Variants in PIK3R3 observed in about 807,000 individuals in gnomAD.
PIK3R3 encodes phosphoinositide-3-kinase regulatory subunit 3.
Under a neutral mutation model 62.9 loss-of-function variants are expected in PIK3R3, and 64 were observed. The ratio of observed to expected loss-of-function variants is 1.02; its 90% CI spans 0.83 to 1.25. The LOEUF (loss-of-function observed/expected upper bound fraction) is 1.25, where lower values mean the gene tolerates loss of function less well. PIK3R3 is among the 50% of genes most tolerant of loss of function. The probability of loss-of-function intolerance (pLI) is 0.00; values close to 1 mark genes in which losing one functional copy is unlikely to be tolerated. For missense variants in PIK3R3, 614 were observed against 561.6 expected, an observed-to-expected ratio of 1.09 and a Z score of -0.94; for synonymous variants, 165 against 189.0, an observed-to-expected ratio of 0.87 and a Z score of 1.04.
chr1:46,149,836 G>A, the PIK3R3 span, among the ~76,000 whole-genome samples: 1 of 152,128 alleles, frequency 6.6e-6, no homozygotes, highest in Non-Finnish European at 1.5e-5. Context: ...CGGCCAAGAA[G>A]TTACCTTATA....
At chr1:46,141,502 C>T in the PIK3R3 span, among the ~76,000 whole-genome samples, 21 of 151,896 alleles carry the variant, frequency 1.4e-4, no homozygotes, top group Non-Finnish European at 8.8e-5. Flanking sequence ...AACTCCTGAC[C>T]TCAGGGGATC....
intron 6 of PIK3R3, among the ~76,000 whole-genome samples, chr1:46,059,299 T>C (rs1174250290): frequency 6.6e-6 from 1 of 152,208 alleles, no homozygotes; most frequent in Non-Finnish European, 1.5e-5. Flanking sequence ...AATGGACTAA[T>C]ACAAATGGGT....
At chr1:46,089,956 G>A (rs1651458221) in intron 1 of PIK3R3, among the ~76,000 whole-genome samples, 3 of 152,040 alleles carry the variant, frequency 2.0e-5, no homozygotes, top group South Asian at 2.1e-4. Flanking sequence ...CAGTATTACC[G>A]TATTACAAAA....
At position 46,066,034 on chromosome 1, in the gene PIK3R3, A is replaced by G. The variant is rs1443444361; in HGVS notation, c.621+20T>C. On this transcript the variant is annotated intron_variant, in intron 5 of 9. Coordinates refer to ENST00000262741, the MANE Select transcript of PIK3R3 (RefSeq NM_003629.4). ...AAAACATTGCACACATATTAGTCAA[A>G]AACAACATAATATACCAACCTGGGA... The G allele has an allele frequency of 1.2e-6, 2 of 1,602,960 alleles. No homozygotes were observed. The highest frequency in any genetic ancestry group is 1.7e-6 in the Non-Finnish European group (2 of 1,170,872).
intron 1 of PIK3R3, among the ~76,000 whole-genome samples, chr1:46,113,836 G>T (rs2149458181): frequency 6.6e-6 from 1 of 152,252 alleles, no homozygotes; most frequent in South Asian, 2.1e-4. Context: ...TCCTTATCCT[G>T]ATGGAATTTA....
At chr1:46,046,694 G>A in intron 7 of PIK3R3, 69 bp from the exon 8 acceptor site, 1 of 1,094,952 alleles carries the variant, frequency 9.1e-7, no homozygotes, top group Non-Finnish European at 1.4e-6. Flanking sequence ...GTATGTCTGA[G>A]CCAACTAAAC....
At chr1:46,172,737 A>C in the PIK3R3 span, among the ~76,000 whole-genome samples, 15 of 152,302 alleles carry the variant, frequency 9.8e-5, no homozygotes, top group East Asian at 2.9e-3. Flanking sequence ...TCATGCCTGT[A>C]ATCCCTGCAC....
At chr1:46,136,688 G>A (rs77882922), upstream of PIK3R3, among the ~76,000 whole-genome samples, 438 of 152,316 alleles carry the variant, frequency 2.9e-3, 3 homozygotes, top group East Asian at 0.02. Flanking sequence ...CTCAGCATGT[G>A]ATGTAGATCT....
At chr1:46,045,644 T>TTTTTTTTTTTC (rs370501368) in intron 9 of PIK3R3, among the ~76,000 whole-genome samples, 6,362 of 82,604 alleles carry the variant, frequency 0.077, 1,635 homozygotes, top group East Asian at 0.15. Context: ...TTTTTTTTTT[T>TTTTTTTTTTTC]CAATTTAAGA....
At chr1:46,157,291 G>A in the PIK3R3 span, among the ~76,000 whole-genome samples, 1 of 151,998 alleles carries the variant, frequency 6.6e-6, no homozygotes, top group Non-Finnish European at 1.5e-5. Context: ...ATACCACCAC[G>A]CCAGCTAATT....
chr1:46,152,624 G>A, the PIK3R3 span, among the ~76,000 whole-genome samples: 4 of 147,206 alleles, frequency 2.7e-5, no homozygotes, highest in East Asian at 2.0e-4. Flanking sequence ...GTGCAGTGGC[G>A]TGATCTCTGC....
chr1:46,077,516 G>T lies in PIK3R3; in HGVS notation c.313C>A (p.Arg105=). Residue 105 remains arginine, a splice_region_variant and synonymous_variant, in exon 3 of 10, where the codon CGG becomes AGG. Coordinates refer to ENST00000262741, the MANE Select transcript of PIK3R3 (RefSeq NM_003629.4). ...GCCAAAAGACTGAAAAGTACTTACC[G>T]CAAAGTCAAAGTATAATCTCCCTGC... ...KMQGDYTLTL[R]KGGNNKLIKI... is the part of the protein sequence containing the mutation. 6.3e-7 allele frequency: 1 copy of T among 1,583,542 alleles called. No individual in the cohort carries two copies. The highest frequency in any genetic ancestry group is 8.7e-7 in the Non-Finnish European group (1 of 1,152,662).
At chr1:46,047,379 A>C (rs1448537253) in intron 7 of PIK3R3, among the ~76,000 whole-genome samples, 1 of 151,520 alleles carries the variant, frequency 6.6e-6, no homozygotes, top group Non-Finnish European at 1.5e-5. Flanking sequence ...TGGAGGCTGT[A>C]GTGAGCTGAG....
the PIK3R3 span, among the ~76,000 whole-genome samples, chr1:46,159,546 C>G: frequency 5.9e-5 from 9 of 152,240 alleles, no homozygotes; most frequent in African/African-American, 1.4e-4. Context: ...CTGGCTCAAG[C>G]CCTCATTCCC....
chr1:46,161,497 T>C, the PIK3R3 span, among the ~76,000 whole-genome samples: 1 of 152,192 alleles, frequency 6.6e-6, no homozygotes, highest in Non-Finnish European at 1.5e-5. Flanking sequence ...CTGGAAAGCA[T>C]TTTGGCAATA....
chr1:46,065,281 TAGTC>T (rs1445046620), intron 5 of PIK3R3, among the ~76,000 whole-genome samples: 1 of 152,126 alleles, frequency 6.6e-6, no homozygotes, highest in Non-Finnish European at 1.5e-5. Flanking sequence ...ATCTAAAAAG[TAGTC>T]AGGCCTAAGA....
In PIK3R3 at chr1:46,040,700, G is replaced by T. The variant is rs1646980757; in HGVS notation, c.*2973C>A. The T allele has an allele frequency of 4.9e-6, 1 of 206,054 alleles. No individual in the cohort carries two copies. Among genetic ancestry groups the T allele is most frequent in the Non-Finnish European group, 9.9e-6 (1 of 100,854 alleles). The allele number at this position is 206,054 out of a possible 1,614,324, so 12.8% of individuals were successfully genotyped here. ...ATTCTCAGTTTAAGAGAACACATGG[G>T]GCTGATTACTTGTAGCAAAAAAGAG... On this transcript the variant is annotated 3_prime_UTR_variant, in exon 10 of 10. Coordinates refer to ENST00000262741, the MANE Select transcript of PIK3R3 (RefSeq NM_003629.4).
At chr1:46,068,287 T>C (rs1438289297) in intron 3 of PIK3R3, among the ~76,000 whole-genome samples, 1 of 152,216 alleles carries the variant, frequency 6.6e-6, no homozygotes, top group Admixed American at 6.5e-5. Flanking sequence ...TTAAAAGACA[T>C]TCATTCATTT....
At position 46,074,313 on chromosome 1, in the gene PIK3R3, AAAAAC is replaced by A. The variant is rs1193641527; in HGVS notation, c.314+3197_314+3201del. ...AAAAAAAAAAAAAAAAAAAAAAAAA[AAAAAC>A]CAATAAATTCAGCCTGACTCAACTT... On this transcript the variant is annotated intron_variant, in intron 3 of 9. Transcript: ENST00000262741. 7.6e-3 allele frequency among the ~76,000 whole-genome samples: 1,083 copies of A among 141,612 alleles called. 134 individuals are homozygous for A. Among genetic ancestry groups the A allele is most frequent in the African/African-American group, 0.014 (514 of 36,714 alleles). The allele number at this position is 141,612 out of a possible 152,430, so 92.9% of individuals were successfully genotyped here. A position where few individuals can be genotyped will look rare whatever the true frequency, so the allele number is the denominator to read the frequency against.
Sources: allele counts gnomAD v4.1 joint callset (sites outside exome capture counted in the v4.1 genomes callset), GRCh38; gene constraint gnomAD v4.1.1; transcripts MANE v1.5; gene names NCBI Gene and HGNC (gene_info 2026-07-23, HGNC 2026-07-21).